SNX29: variants seen among roughly 807,000 people sequenced by gnomAD.
SNX29 encodes sorting nexin-29.
Under a neutral mutation model 102.1 loss-of-function variants are expected in SNX29, and 78 were observed. The observed-to-expected ratio is 0.76, with a 90% CI of 0.64 to 0.92. The LOEUF (loss-of-function observed/expected upper bound fraction) is 0.92, where lower values mean the gene tolerates loss of function less well. Ranked by LOEUF, SNX29 falls within the 40% of genes least tolerant of loss-of-function variation. SNX29 has a pLI of 0.00. For missense variants in SNX29, 1,280 were observed against 1,061.7 expected, an observed-to-expected ratio of 1.21 and a Z score of -2.86; for synonymous variants, 580 against 414.5, an observed-to-expected ratio of 1.40 and a Z score of -4.85.
intron 11 of SNX29, among the ~76,000 whole-genome samples, chr16:12,099,844 T>C (rs895417501): frequency 2.0e-5 from 3 of 152,100 alleles, no homozygotes; most frequent in Admixed American, 6.5e-5. Context: ...GGCTCTGAGA[T>C]GGAAGGACCC....
intron 13 of SNX29, among the ~76,000 whole-genome samples, chr16:12,160,199 CT>C (rs1454864163): frequency 2.0e-5 from 3 of 152,172 alleles, no homozygotes; most frequent in Non-Finnish European, 4.4e-5. Flanking sequence ...ATTGCTGGGT[CT>C]GCTGGACCCC....
intron 16 of SNX29, among the ~76,000 whole-genome samples, chr16:12,379,110 C>A (rs1484881320): frequency 6.6e-6 from 1 of 152,080 alleles, no homozygotes; most frequent in African/African-American, 2.4e-5. Flanking sequence ...TGTTTCCTGC[C>A]CCTTCTTTTC....
At chr16:12,311,439 C>T (rs1198612590) in intron 15 of SNX29, among the ~76,000 whole-genome samples, 1 of 152,258 alleles carries the variant, frequency 6.6e-6, no homozygotes, top group African/African-American at 2.4e-5. Context: ...CCTCCTCCGT[C>T]CTCCTTTCCT....
At chr16:12,192,039 C>T in intron 13 of SNX29, among the ~76,000 whole-genome samples, 1 of 152,188 alleles carries the variant, frequency 6.6e-6, no homozygotes, top group East Asian at 1.9e-4. Context: ...CTGAGAATTA[C>T]CAAATGTACT....
At chr16:12,549,026 T>G (rs1325355916) in intron 20 of SNX29, among the ~76,000 whole-genome samples, 1 of 152,220 alleles carries the variant, frequency 6.6e-6, no homozygotes, top group Non-Finnish European at 1.5e-5. Flanking sequence ...AAAAAGCTTG[T>G]GGAGTATCTT....
At chr16:12,542,497 C>G (rs1413017002) in intron 20 of SNX29, among the ~76,000 whole-genome samples, 2 of 152,218 alleles carry the variant, frequency 1.3e-5, no homozygotes, top group Admixed American at 6.5e-5. Context: ...ACACCTGGCT[C>G]ATTTTTGTAT....
intron 11 of SNX29, among the ~76,000 whole-genome samples, chr16:12,119,844 T>G (rs959695748): frequency 6.6e-6 from 1 of 152,196 alleles, no homozygotes; most frequent in Non-Finnish European, 1.5e-5. Flanking sequence ...AGACAGCAAG[T>G]GTAATCATGC....
At chr16:12,190,323 T>A (rs1028109114) in intron 13 of SNX29, among the ~76,000 whole-genome samples, 1 of 151,746 alleles carries the variant, frequency 6.6e-6, no homozygotes, top group African/African-American at 2.4e-5. Flanking sequence ...CAATATTTCA[T>A]GGTACAGAGA....
At chr16:12,206,880 T>A (rs1301167187) in intron 14 of SNX29, among the ~76,000 whole-genome samples, 1 of 149,888 alleles carries the variant, frequency 6.7e-6, no homozygotes, top group Non-Finnish European at 1.5e-5. Context: ...GTACAGCGTT[T>A]GGAACCACTG....
chr16:12,314,809 A>G (rs1352925690), intron 15 of SNX29, among the ~76,000 whole-genome samples: 2 of 152,216 alleles, frequency 1.3e-5, no homozygotes, highest in Non-Finnish European at 2.9e-5. Context: ...AAGCAGCAGG[A>G]AGAATAAAAG....
At chr16:12,332,543 T>C (rs970159520) in intron 15 of SNX29, among the ~76,000 whole-genome samples, 1 of 152,174 alleles carries the variant, frequency 6.6e-6, no homozygotes, top group Admixed American at 6.5e-5. Context: ...TTGAAGGCCA[T>C]GATCACAAAG....
chr16:12,314,528 G>A (rs947480112), intron 15 of SNX29, among the ~76,000 whole-genome samples: 1 of 152,236 alleles, frequency 6.6e-6, no homozygotes, highest in Non-Finnish European at 1.5e-5. Context: ...GGTCTTAATA[G>A]TGGTTTGTTG....
intron 15 of SNX29, among the ~76,000 whole-genome samples, chr16:12,278,406 T>G (rs915318662): frequency 6.6e-6 from 1 of 152,138 alleles, no homozygotes; most frequent in African/African-American, 2.4e-5. Flanking sequence ...CAGAAAAACA[T>G]TCATTATCAG....
Position 12,061,578 on chromosome 16 carries a change from T to G in SNX29, c.1175T>G (p.Leu392Arg). Residue 392 changes from leucine (L) to arginine (R), a missense_variant, in exon 9 of 21, where the codon CTG becomes CGG. By Grantham distance (102) the Leu-to-Arg change is moderately radical. Transcript: ENST00000566228. ...CLSQMHSWAP[L>R]KVLHNDSDIL... Reference sequence around the variant, plus strand: ...TCCCAGATGCACAGCTGGGCTCCGCTGAAGGTGCTGCACAATGACTCCGAC... The same window carrying G: ...TCCCAGATGCACAGCTGGGCTCCGCGGAAGGTGCTGCACAATGACTCCGAC... 5.6e-6 allele frequency: 9 copies of G among 1,611,630 alleles called. No homozygotes were observed. The highest frequency in any genetic ancestry group is 7.6e-6 in the Non-Finnish European group (9 of 1,179,176).
intron 15 of SNX29, among the ~76,000 whole-genome samples, chr16:12,330,815 G>T (rs79816494): frequency 2.3e-4 from 34 of 150,500 alleles, no homozygotes; most frequent in Admixed American, 2.1e-3. Flanking sequence ...TAGGTCTGGC[G>T]GATGGAGGAG....
intron 16 of SNX29, among the ~76,000 whole-genome samples, chr16:12,361,188 C>T (rs1325980465): frequency 6.6e-6 from 1 of 152,164 alleles, no homozygotes; most frequent in South Asian, 2.1e-4. Context: ...TGGGGTAGGT[C>T]TTGAAGGTGG....
At chr16:12,013,500 A>AAAAAAAAAAAATAT in intron 3 of SNX29, among the ~76,000 whole-genome samples, 33 of 31,618 alleles carry the variant, frequency 1.0e-3, no homozygotes, top group Non-Finnish European at 1.8e-3. Context: ...AAAAAAAAAA[A>AAAAAAAAAAAATAT]ATATATATAT....
In SNX29 at chr16:12,317,671, C is replaced by T. The variant is rs1458248666; in HGVS notation, c.1783-38492C>T. Among the ~76,000 whole-genome samples the T allele has an allele frequency of 2.6e-5, 4 of 152,218 alleles. No individual in the cohort carries two copies. In the East Asian group the frequency reaches 7.7e-4, roughly 29 times the overall value. On this transcript the variant is annotated intron_variant, in intron 15 of 20. Coordinates refer to ENST00000566228, the MANE Select transcript of SNX29 (RefSeq NM_032167.5). ...ACACCTGACATCAGCTTCACAGGGA[C>T]TAAGTGTGTCTTATGCACCGTCTTG...
At chr16:12,531,633 A>G (rs192715943) in intron 20 of SNX29, among the ~76,000 whole-genome samples, 410 of 152,280 alleles carry the variant, frequency 2.7e-3, no homozygotes, top group African/African-American at 9.5e-3. Flanking sequence ...TGCTGGGGCA[A>G]TGGAAGGGGA....
Sources: allele counts gnomAD v4.1 joint callset (sites outside exome capture counted in the v4.1 genomes callset), GRCh38; gene constraint gnomAD v4.1.1; transcripts MANE v1.5; gene names NCBI Gene and HGNC (gene_info 2026-07-23, HGNC 2026-07-21).